The following DNAJC8 variants were observed in gnomAD, a reference collection of about 807,000 sequenced individuals.
DNAJC8 encodes the protein dnaJ homolog subfamily C member 8.
DNAJC8 carries 24 observed loss-of-function variants against 43.2 expected under a neutral mutation model. That is an observed-to-expected ratio of 0.56 (90% confidence interval 0.40 to 0.78). The LOEUF (loss-of-function observed/expected upper bound fraction) is 0.78, where lower values mean the gene tolerates loss of function less well. Among genes scored for constraint, DNAJC8 ranks in the 30% least tolerant of loss-of-function variants. The pLI is 0.00. For synonymous variants in DNAJC8, 83 were observed against 98.0 expected (o/e 0.85, Z 0.90); for missense variants, 207 against 299.4 (o/e 0.69, Z 2.28).
rs1354216193 is a variant in DNAJC8 at position 28,209,974 on chromosome 1, T to A, written c.397A>T (p.Thr133Ser). The A allele has an allele frequency of 6.2e-7, 1 of 1,613,816 alleles. No individual in the cohort carries two copies. The highest frequency in any genetic ancestry group is 1.3e-5 in the African/African-American group (1 of 75,042). Residue 133 changes from threonine to serine, a missense_variant and splice_region_variant, in exon 5 of 9, where the codon ACT becomes TCT. Coordinates refer to ENST00000263697, the MANE Select transcript of DNAJC8 (RefSeq NM_014280.3). Reference sequence around the variant, plus strand: ...ACAGCAGCACTATAAATACTTACAGTGTGTTCCACGTATTCTTTTCCTGCC... The same window carrying A: ...ACAGCAGCACTATAAATACTTACAGAGTGTTCCACGTATTCTTTTCCTGCC... ...IQAGKEYVEH[T>S]VKERKKQLKK...
At chr1:28,213,792 C>A (rs551576269) in intron 3 of DNAJC8, among the ~76,000 whole-genome samples, 1 of 152,238 alleles carries the variant, frequency 6.6e-6, no homozygotes, top group South Asian at 2.1e-4. Context: ...CTGAGGCCAG[C>A]AGATCGCTTG....
chr1:28,232,585 G>A (rs116730153), intron 1 of DNAJC8, among the ~76,000 whole-genome samples: 1 of 152,326 alleles, frequency 6.6e-6, no homozygotes, highest in Non-Finnish European at 1.5e-5. Flanking sequence ...CGTCTCGGGG[G>A]CCAAGAAGGC....
intron 8 of DNAJC8, among the ~76,000 whole-genome samples, chr1:28,201,914 C>A (rs1397272189): frequency 6.6e-6 from 1 of 151,438 alleles, no homozygotes; most frequent in Non-Finnish European, 1.5e-5. Flanking sequence ...ATGGAGAAAC[C>A]CCATCTCTAC....
chr1:28,229,058 A>G, intron 1 of DNAJC8, 35 bp from the exon 2 acceptor site: 1 of 1,542,292 alleles, frequency 6.5e-7, no homozygotes, highest in Non-Finnish European at 8.9e-7. Context: ...TCATTAATAG[A>G]ATTCAATAAC....
chr1:28,207,241 G>A (rs1388387757), intron 6 of DNAJC8, among the ~76,000 whole-genome samples: 2 of 151,906 alleles, frequency 1.3e-5, no homozygotes, highest in Non-Finnish European at 2.9e-5. Context: ...AGCCAGGCTT[G>A]ATGGCGGGCA....
At position 28,200,639 on chromosome 1, in the gene DNAJC8, C is replaced by T. The variant is rs1302627190; in HGVS notation, c.*609G>A. On this transcript the variant is annotated 3_prime_UTR_variant, in exon 9 of 9. Transcript: ENST00000263697. ...CTAGGACATGGTACTGGGTGGAGGA[C>T]GGCTAGCTCTTTGGAAAGTGAAAGG... The T allele has an allele frequency of 2.6e-5, 12 of 455,550 alleles. No homozygotes were observed. The East Asian group carries it at 4.9e-4, about 18-fold the overall frequency. 28.2% of individuals were successfully genotyped at this position (455,550 alleles called of 1,614,324 possible).
chr1:28,212,466 G>A (rs1646821786), intron 3 of DNAJC8, among the ~76,000 whole-genome samples: 1 of 150,552 alleles, frequency 6.6e-6, no homozygotes, highest in African/African-American at 2.4e-5. Flanking sequence ...GTTTTTTGTA[G>A]AGACGGGGTT....
intron 7 of DNAJC8, 95 bp downstream of exon 7, chr1:28,205,163 T>C (rs1438435598): frequency 1.6e-5 from 14 of 885,332 alleles, no homozygotes; most frequent in Non-Finnish European, 2.3e-5. Context: ...TTAAATGGTA[T>C]ACTATATAAT....
chr1:28,217,891 C>G (rs1220388404), intron 2 of DNAJC8, among the ~76,000 whole-genome samples: 1 of 151,444 alleles, frequency 6.6e-6, no homozygotes, highest in African/African-American at 2.4e-5. Flanking sequence ...TATATACAGA[C>G]AGTAAAATGG....
At chr1:28,212,168 A>AATAAATAAATATAT (rs35950985) in intron 3 of DNAJC8, among the ~76,000 whole-genome samples, 32 of 30,986 alleles carry the variant, frequency 1.0e-3, no homozygotes, top group Admixed American at 1.5e-3. Flanking sequence ...TAAATAAATA[A>AATAAATAAATATAT]ATATATATAT....
At chr1:28,232,143 T>C (rs1190982880) in intron 1 of DNAJC8, among the ~76,000 whole-genome samples, 1 of 151,942 alleles carries the variant, frequency 6.6e-6, no homozygotes, top group Non-Finnish European at 1.5e-5. Flanking sequence ...GGTCCGATCA[T>C]AGGTCACTGC....
rs1646734291 is a variant in DNAJC8 at position 28,201,703 on chromosome 1, C to T, written c.640-333G>A. ...ACTCGGGAGGCTGAGGCAGGAGAATCGCTTGAGCCTGGCAGGCAGAGGTTG... is the reference window on the plus strand; with the variant it reads ...ACTCGGGAGGCTGAGGCAGGAGAATTGCTTGAGCCTGGCAGGCAGAGGTTG... On this transcript the variant is annotated intron_variant, in intron 8 of 8. Transcript: ENST00000263697. 4.0e-5 allele frequency among the ~76,000 whole-genome samples: 6 copies of T among 150,278 alleles called. No individual in the cohort carries two copies. The South Asian group carries it at 1.3e-3, about 31-fold the overall frequency.
At chr1:28,213,634 G>C (rs1386344597) in intron 3 of DNAJC8, among the ~76,000 whole-genome samples, 1 of 152,094 alleles carries the variant, frequency 6.6e-6, no homozygotes, top group African/African-American at 2.4e-5. Flanking sequence ...AGACTATAAA[G>C]AAGCTAAGGA....
chr1:28,201,505 C>A (rs1000858043), intron 8 of DNAJC8, 135 bp from the exon 9 acceptor site: 2 of 1,379,100 alleles, frequency 1.5e-6, no homozygotes, highest in East Asian at 4.7e-5. Context: ...TAGAATAGAG[C>A]TGGCCAGGCA....
chr1:28,226,598 T>C (rs1181156066), intron 2 of DNAJC8, among the ~76,000 whole-genome samples: 1 of 151,408 alleles, frequency 6.6e-6, no homozygotes, highest in African/African-American at 2.4e-5. Context: ...CCCCAGTCTA[T>C]TATTTTATAA....
At chr1:28,220,582 A>G (rs936677616) in intron 2 of DNAJC8, among the ~76,000 whole-genome samples, 1 of 152,220 alleles carries the variant, frequency 6.6e-6, no homozygotes, top group Non-Finnish European at 1.5e-5. Flanking sequence ...TGAGATAACT[A>G]ATCCACTCCC....
At chr1:28,208,181 G>A (rs1045256228) in intron 6 of DNAJC8, among the ~76,000 whole-genome samples, 161 bp downstream of exon 6, 1 of 152,102 alleles carries the variant, frequency 6.6e-6, no homozygotes, top group African/African-American at 2.4e-5. Context: ...CCTCCAGCCT[G>A]GGCAACAAGA....
At chr1:28,214,917 C>A in intron 3 of DNAJC8, 23 bp downstream of exon 3, 1 of 1,571,446 alleles carries the variant, frequency 6.4e-7, no homozygotes, top group Non-Finnish European at 8.6e-7. Context: ...TCAAAAAGTT[C>A]AAACAGGGAA....
At chr1:28,203,271 A>G (rs1394825151) in intron 8 of DNAJC8, among the ~76,000 whole-genome samples, 1 of 152,218 alleles carries the variant, frequency 6.6e-6, no homozygotes, top group South Asian at 2.1e-4. Context: ...CACCTGAAGC[A>G]TATAACCAGG....
Sources: gnomAD v4.1 joint callset for allele counts (sites outside exome capture counted in the v4.1 genomes callset) on GRCh38, gnomAD v4.1.1 for gene constraint, MANE v1.5 for transcripts, NCBI Gene and HGNC (gene_info 2026-07-23, HGNC 2026-07-21) for gene names.